The following TXNDC12 variants were observed in gnomAD, a reference collection of about 807,000 sequenced individuals.
The protein encoded by TXNDC12 is thioredoxin domain-containing protein 12.
Under a neutral mutation model 24.2 loss-of-function variants are expected in TXNDC12, and 22 were observed. The ratio of observed to expected loss-of-function variants is 0.91; its 90% CI spans 0.65 to 1.30. TXNDC12 has a LOEUF of 1.30. Among genes scored for constraint, TXNDC12 ranks in the 50% most tolerant of loss-of-function variants. The pLI is 0.00. For synonymous variants in TXNDC12, 58 were observed against 73.4 expected, an observed-to-expected ratio of 0.79 and a Z score of 1.07; for missense variants, 184 against 205.8, an observed-to-expected ratio of 0.89 and a Z score of 0.65.
chr1:52,037,060 C>T (rs1685895349), intron 2 of TXNDC12, among the ~76,000 whole-genome samples: 1 of 152,172 alleles, frequency 6.6e-6, no homozygotes. Flanking sequence ...CCTAAACTTT[C>T]ATGATGTTCT....
At chr1:52,038,831 T>A (rs1371176492) in intron 2 of TXNDC12, among the ~76,000 whole-genome samples, 2 of 151,890 alleles carry the variant, frequency 1.3e-5, no homozygotes, top group Non-Finnish European at 2.9e-5. Flanking sequence ...TGGCAAAAAG[T>A]GCAAGGTTTT....
At chr1:52,039,748 T>C (rs556260502) in intron 2 of TXNDC12, among the ~76,000 whole-genome samples, 8 of 152,320 alleles carry the variant, frequency 5.3e-5, no homozygotes, top group Middle Eastern at 3.4e-3. Flanking sequence ...TTCACCTCCA[T>C]AGCAACAGGA....
chr1:52,027,616 G>A (rs1685689108), intron 3 of TXNDC12, among the ~76,000 whole-genome samples: 1 of 151,870 alleles, frequency 6.6e-6, no homozygotes, highest in Non-Finnish European at 1.5e-5. Flanking sequence ...CGAATAGGGG[G>A]GAAAAGCATT....
At chr1:52,053,923 CTG>C (rs1385052760) in intron 1 of TXNDC12, among the ~76,000 whole-genome samples, 7 of 152,252 alleles carry the variant, frequency 4.6e-5, no homozygotes, top group Admixed American at 2.0e-4. Flanking sequence ...CTAGTTGAAA[CTG>C]TCTTATTAAT....
At chr1:52,052,003 G>A (rs923373609) in intron 1 of TXNDC12, among the ~76,000 whole-genome samples, 1 of 152,122 alleles carries the variant, frequency 6.6e-6, no homozygotes, top group African/African-American at 2.4e-5. Context: ...ACTGGTTAAT[G>A]TTTATTAAAT....
chr1:52,039,167 A>G (rs1395399648), intron 2 of TXNDC12, among the ~76,000 whole-genome samples: 2 of 151,162 alleles, frequency 1.3e-5, no homozygotes, highest in African/African-American at 2.4e-5. Context: ...TCTACAGTAC[A>G]TATCAAGCAA....
chr1:52,032,570 G>T (rs1480367010), intron 2 of TXNDC12: 1 of 1,417,928 alleles, frequency 7.1e-7, no homozygotes, highest in Non-Finnish European at 9.2e-7. Flanking sequence ...AAGTTTGAGT[G>T]AATCAGTCAC....
At chr1:52,037,153 A>T (rs1307977697) in intron 2 of TXNDC12, among the ~76,000 whole-genome samples, 2 of 144,902 alleles carry the variant, frequency 1.4e-5, no homozygotes, top group African/African-American at 5.2e-5. Flanking sequence ...GGTCCTTATC[A>T]CCCCCTGATG....
chr1:52,054,031 T>C (rs991525216), intron 1 of TXNDC12, among the ~76,000 whole-genome samples: 3 of 152,192 alleles, frequency 2.0e-5, no homozygotes, highest in African/African-American at 7.2e-5. Context: ...CCCTAGTGCC[T>C]AGGACAGTGC....
At chr1:52,050,903 A>G (rs1686188428) in intron 1 of TXNDC12, 1 of 169,690 alleles carries the variant, frequency 5.9e-6, no homozygotes, top group Non-Finnish European at 1.5e-5. Context: ...ACCACTCCCA[A>G]TGACAGCTTT....
At chr1:52,053,253 C>T (rs1050690925) in intron 1 of TXNDC12, among the ~76,000 whole-genome samples, 1 of 151,834 alleles carries the variant, frequency 6.6e-6, no homozygotes, top group Non-Finnish European at 1.5e-5. Context: ...AGTGAGACTC[C>T]GTCTCAAAAA....
chr1:52,029,705 C>T (rs1358945396), intron 2 of TXNDC12, among the ~76,000 whole-genome samples: 1 of 152,184 alleles, frequency 6.6e-6, no homozygotes, highest in Non-Finnish European at 1.5e-5. Flanking sequence ...TTATTGATAG[C>T]AAACACTTAT....
At chr1:52,047,013 A>G (rs758588701) in intron 1 of TXNDC12, among the ~76,000 whole-genome samples, 42 of 151,918 alleles carry the variant, frequency 2.8e-4, no homozygotes, top group Admixed American at 1.3e-4. Context: ...ACTGCACTCC[A>G]GCCTGGGTAA....
chr1:52,034,154 G>T, intron 2 of TXNDC12: 2 of 872,932 alleles, frequency 2.3e-6, no homozygotes, highest in Non-Finnish European at 3.0e-6. Flanking sequence ...AAACCTACTG[G>T]CTCTCAGTAA....
chr1:52,034,052 C>T (rs908093062), intron 2 of TXNDC12: 57 of 1,338,112 alleles, frequency 4.3e-5, no homozygotes, highest in Non-Finnish European at 5.1e-5. Context: ...TTAATAAGGC[C>T]TAAGGGGCAT....
chr1:52,050,317 G>A (rs2124394213), intron 1 of TXNDC12, among the ~76,000 whole-genome samples: 1 of 152,236 alleles, frequency 6.6e-6, no homozygotes, highest in African/African-American at 2.4e-5. Context: ...GTGCCAACAT[G>A]GAACATCTGA....
intron 1 of TXNDC12, among the ~76,000 whole-genome samples, chr1:52,048,398 C>T (rs113676395): frequency 0.047 from 7,118 of 150,466 alleles, 473 homozygotes; most frequent in African/African-American, 0.13. Flanking sequence ...GCCAGGAGTT[C>T]GAGGATACAG....
upstream of TXNDC12, chr1:52,055,363 TG>T (rs1686320839): frequency 9.1e-6 from 4 of 438,944 alleles, no homozygotes; most frequent in African/African-American, 2.0e-5. Context: ...GGATTCTGGG[TG>T]TCCAGGTCCC....
chr1:52,051,429 G>A (rs764054592), intron 1 of TXNDC12, among the ~76,000 whole-genome samples: 7 of 152,134 alleles, frequency 4.6e-5, no homozygotes, highest in Non-Finnish European at 8.8e-5. Context: ...AGGCTGGAGT[G>A]CAGTGGCACT....
Sources: gnomAD v4.1 joint callset for allele counts (sites outside exome capture counted in the v4.1 genomes callset) on GRCh38, gnomAD v4.1.1 for gene constraint, MANE v1.5 for transcripts, NCBI Gene and HGNC (gene_info 2026-07-23, HGNC 2026-07-21) for gene names.